The following GABRG3 variants were observed in gnomAD, a reference collection of about 807,000 sequenced individuals.
GABRG3 encodes gamma-aminobutyric acid type A receptor subunit gamma3, also known as gamma-aminobutyric acid receptor subunit gamma-3.
Under a neutral mutation model 48.8 loss-of-function variants are expected in GABRG3, and 25 were observed. That is an observed-to-expected ratio of 0.51 (90% CI 0.37 to 0.72). GABRG3 has a LOEUF of 0.72. Among genes scored for constraint, GABRG3 ranks in the 30% least tolerant of loss-of-function variants. GABRG3 has a pLI of 0.00. For missense variants in GABRG3, 394 were observed against 577.9 expected, an observed-to-expected ratio of 0.68 and a Z score of 3.26; for synonymous variants, 227 against 217.6, an observed-to-expected ratio of 1.04 and a Z score of -0.38.
In GABRG3 at chr15:27,346,860, C is replaced by T. The variant is rs147123734; in HGVS notation, c.574+17972C>T. Among the ~76,000 whole-genome samples, 112 of 152,262 alleles carry T rather than the reference C, an allele frequency of 7.4e-4. 1 individual carries two copies. Among genetic ancestry groups the T allele is most frequent in the Non-Finnish European group, 1.1e-3 (74 of 68,028 alleles). On this transcript the variant is annotated intron_variant, in intron 5 of 9. Coordinates refer to ENST00000615808, the MANE Select transcript of GABRG3 (RefSeq NM_033223.5). ...TGTTATTTACTATTTCCATTAGAAC[C>T]CTTGACATATTAATCACAGTAATTT...
chr15:27,289,523 C>G (rs1891729110), intron 3 of GABRG3, among the ~76,000 whole-genome samples: 1 of 152,140 alleles, frequency 6.6e-6, no homozygotes, highest in Non-Finnish European at 1.5e-5. Flanking sequence ...ACCTGCTGTC[C>G]TAGCTATCTG....
At chr15:27,307,275 A>G (rs934531864) in intron 3 of GABRG3, among the ~76,000 whole-genome samples, 1 of 142,352 alleles carries the variant, frequency 7.0e-6, no homozygotes, top group African/African-American at 2.5e-5. Context: ...ATGTTTATAT[A>G]TAACCATAGG....
intron 3 of GABRG3, among the ~76,000 whole-genome samples, chr15:27,107,442 A>G (rs897650465): frequency 6.6e-6 from 1 of 152,020 alleles, no homozygotes; most frequent in African/African-American, 2.4e-5. Flanking sequence ...CCTAGATTTA[A>G]TATTTTTAAT....
At chr15:27,020,531 C>T (rs550910027) in intron 2 of GABRG3, among the ~76,000 whole-genome samples, 1 of 152,168 alleles carries the variant, frequency 6.6e-6, no homozygotes, top group Non-Finnish European at 1.5e-5. Flanking sequence ...CCTGCCTCAG[C>T]CTCCTGAGTA....
intron 5 of GABRG3, among the ~76,000 whole-genome samples, chr15:27,449,857 C>T (rs1566845855): frequency 6.6e-6 from 1 of 152,202 alleles, no homozygotes; most frequent in Non-Finnish European, 1.5e-5. Context: ...CTTGTGTTCT[C>T]AAATGCTTGC....
At chr15:27,049,791 G>A (rs1454438682) in intron 3 of GABRG3, among the ~76,000 whole-genome samples, 4 of 152,228 alleles carry the variant, frequency 2.6e-5, no homozygotes, top group Admixed American at 2.6e-4. Flanking sequence ...TGCTAGACCA[G>A]GAGAAGAGCA....
intron 3 of GABRG3, among the ~76,000 whole-genome samples, chr15:27,272,009 G>A (rs928857258): frequency 6.6e-6 from 1 of 152,134 alleles, no homozygotes; most frequent in African/African-American, 2.4e-5. Flanking sequence ...CTCAGGCCCC[G>A]CCTGGTGCAC....
At chr15:27,212,659 C>A (rs754331844) in intron 3 of GABRG3, among the ~76,000 whole-genome samples, 10 of 152,156 alleles carry the variant, frequency 6.6e-5, no homozygotes, top group Non-Finnish European at 1.0e-4. Flanking sequence ...CAACCGTCAC[C>A]ACCGCCCATC....
chr15:27,512,156 G>C (rs1320474258), intron 6 of GABRG3, among the ~76,000 whole-genome samples: 1 of 152,108 alleles, frequency 6.6e-6, no homozygotes, highest in Admixed American at 6.5e-5. Context: ...TATGTTGGCT[G>C]TTAGATAGAA....
rs777649198 is a variant in GABRG3 at position 27,026,706 on chromosome 15, G to C, written c.203-48G>C. Reference sequence around the variant, plus strand: ...TTAGGACTTGAATGTGCTCTCCTCTGTCTTTCTCCGGCACGAAGTATTAAC... The same window carrying C: ...TTAGGACTTGAATGTGCTCTCCTCTCTCTTTCTCCGGCACGAAGTATTAAC... On this transcript the variant is annotated intron_variant, in intron 2 of 9. Transcript: ENST00000615808. The C allele has an allele frequency of 2.4e-5, 34 of 1,434,274 alleles. No homozygotes were observed. In the South Asian group the frequency reaches 4.1e-4, roughly 17 times the overall value. The allele number at this position is 1,434,274 out of a possible 1,614,324, so 88.8% of individuals were successfully genotyped here.
chr15:27,458,766 T>TA (rs1889363179), intron 5 of GABRG3, among the ~76,000 whole-genome samples: 1 of 152,038 alleles, frequency 6.6e-6, no homozygotes, highest in Admixed American at 6.6e-5. Context: ...GCTAGCTAGA[T>TA]AAAAATGGCT....
intron 3 of GABRG3, among the ~76,000 whole-genome samples, chr15:27,105,952 A>G (rs1021943838): frequency 4.6e-5 from 7 of 152,164 alleles, no homozygotes; most frequent in African/African-American, 1.7e-4. Flanking sequence ...ACTTTAAAAA[A>G]GAAGAGATCC....
At chr15:27,184,005 C>T (rs1888015340) in intron 3 of GABRG3, among the ~76,000 whole-genome samples, 1 of 152,136 alleles carries the variant, frequency 6.6e-6, no homozygotes, top group Non-Finnish European at 1.5e-5. Flanking sequence ...GAAAAACAAA[C>T]AGGAGTTTAT....
chr15:27,281,780 T>A (rs1891442824), intron 3 of GABRG3, among the ~76,000 whole-genome samples: 2 of 152,046 alleles, frequency 1.3e-5, no homozygotes, highest in African/African-American at 2.4e-5. Flanking sequence ...ATAAATATAT[T>A]TTTTAAAAAA....
chr15:27,246,459 T>C (rs1200564683), intron 3 of GABRG3, among the ~76,000 whole-genome samples: 2 of 152,180 alleles, frequency 1.3e-5, no homozygotes, highest in East Asian at 3.9e-4. Flanking sequence ...ATAGGTCTAG[T>C]ATAAGGTGGT....
chr15:27,278,952 C>A (rs1195295951), intron 3 of GABRG3, among the ~76,000 whole-genome samples: 1 of 152,186 alleles, frequency 6.6e-6, no homozygotes, highest in Non-Finnish European at 1.5e-5. Flanking sequence ...CAGGAGAAAT[C>A]TGAGTTCTGT....
chr15:27,096,724 T>A (rs574853398), intron 3 of GABRG3, among the ~76,000 whole-genome samples: 1 of 152,208 alleles, frequency 6.6e-6, no homozygotes, highest in Non-Finnish European at 1.5e-5. Context: ...CAGTTTTGGA[T>A]CCTGTCCACC....
Position 27,175,017 on chromosome 15 carries a change from C to G in GABRG3, c.270+148196C>G, listed in dbSNP as rs534688994. ...CTAGGAAATACATATTGTTTAAAAC[C>G]AATCAGGACCAAGATTGGCCCCTAA... On this transcript the variant is annotated intron_variant, in intron 3 of 9. Coordinates refer to ENST00000615808, the MANE Select transcript of GABRG3 (RefSeq NM_033223.5). 2.4e-3 allele frequency among the ~76,000 whole-genome samples: 367 copies of G among 152,270 alleles called. 2 individuals carry two copies. The highest frequency in any genetic ancestry group is 8.2e-3 in the African/African-American group (342 of 41,550).
chr15:26,995,663 A>AT (rs1361985626), intron 2 of GABRG3, among the ~76,000 whole-genome samples: 1 of 152,058 alleles, frequency 6.6e-6, no homozygotes, highest in Admixed American at 6.5e-5. Context: ...GCCTACGGCA[A>AT]TATACATGTC....
Sources: gnomAD v4.1 joint callset for allele counts (sites outside exome capture counted in the v4.1 genomes callset) on GRCh38, gnomAD v4.1.1 for gene constraint, MANE v1.5 for transcripts, NCBI Gene and HGNC (gene_info 2026-07-23, HGNC 2026-07-21) for gene names.